The following BFAR variants were observed in gnomAD, a reference collection of about 807,000 sequenced individuals.
BFAR encodes RING finger protein 47.
BFAR carries 52 observed loss-of-function variants against 54.4 expected under a neutral mutation model. The observed-to-expected ratio is 0.96, with a 90% CI of 0.77 to 1.21. The LOEUF is 1.21. Among genes scored for constraint, BFAR ranks in the 50% most tolerant of loss-of-function variants. BFAR has a pLI of 0.00. For missense variants in BFAR, 571 were observed against 534.0 expected (o/e 1.07, Z -0.68); for synonymous variants, 215 against 204.3 (o/e 1.05, Z -0.45).
intron 5 of BFAR, among the ~76,000 whole-genome samples, chr16:14,660,286 T>G (rs1010685355): frequency 6.6e-6 from 1 of 152,140 alleles, no homozygotes; most frequent in Non-Finnish European, 1.5e-5. Flanking sequence ...TCAAATAAAT[T>G]GAATCTTTTT....
intron 5 of BFAR, among the ~76,000 whole-genome samples, chr16:14,656,597 C>G (rs1020456063): frequency 6.6e-6 from 1 of 152,060 alleles, no homozygotes; most frequent in Non-Finnish European, 1.5e-5. Flanking sequence ...TTGCCTGTTT[C>G]CTCCTGGGTA....
Position 14,655,092 on chromosome 16 carries a change from A to G in BFAR, c.665A>G (p.Glu222Gly), listed in dbSNP as rs1208628495. ...TTGCTTTTAACTTTGACAGAGGAAG[A>G]ATTTTCCAAGACGCCCTATACCATA... is the stretch of plus-strand genomic sequence containing the variant. Reference protein sequence around the residue: ...GRLLLTLTEEEFSKTPYTIEN... With the variant: ...GRLLLTLTEEGFSKTPYTIEN... The change falls in exon 5 of 8, where the codon GAA becomes GGA. Residue 222 changes from glutamate to glycine, a missense_variant. By Grantham distance (98) the Glu-to-Gly change is moderately conservative. Transcript: ENST00000261658. 2 of 1,609,648 alleles carry G rather than the reference A, an allele frequency of 1.2e-6. No homozygotes were observed. The highest frequency in any genetic ancestry group is 1.1e-5 in the South Asian group (1 of 90,208).
intron 4 of BFAR, among the ~76,000 whole-genome samples, chr16:14,651,354 C>A (rs1298820841): frequency 1.3e-5 from 2 of 152,198 alleles, no homozygotes; most frequent in Non-Finnish European, 2.9e-5. Flanking sequence ...GATAAAGAGA[C>A]ACTTAGGGCA....
At chr16:14,634,094 A>T (rs781473970) in intron 1 of BFAR, among the ~76,000 whole-genome samples, 5 of 152,218 alleles carry the variant, frequency 3.3e-5, no homozygotes, top group Non-Finnish European at 7.3e-5. Flanking sequence ...GACGCTGTTA[A>T]GCCCTCAACT....
Position 14,668,499 on chromosome 16 carries a change from T to A in BFAR, c.*672T>A, listed in dbSNP as rs1216090588. On this transcript the variant is annotated 3_prime_UTR_variant, in exon 8 of 8. Coordinates refer to ENST00000261658, the MANE Select transcript of BFAR (RefSeq NM_016561.3). ...GAAGGTCTGGATCCCTTTCTCTGAA[T>A]GGAGAGATTGAGAGGGATGTCGGGC... is the stretch of plus-strand genomic sequence containing the variant. The A allele has an allele frequency of 1.3e-5, 2 of 152,520 alleles. No individual in the cohort carries two copies. The highest frequency in any genetic ancestry group is 2.9e-5 in the Non-Finnish European group (2 of 68,314). 9.4% of individuals were successfully genotyped at this position (152,520 alleles called of 1,614,324 possible). A position where few individuals can be genotyped will look rare whatever the true frequency, so the allele number is the denominator to read the frequency against.
intron 1 of BFAR, among the ~76,000 whole-genome samples, chr16:14,634,281 T>G (rs1318105234): frequency 2.0e-5 from 3 of 152,232 alleles, no homozygotes; most frequent in Admixed American, 1.3e-4. Context: ...TTCTTGTCGC[T>G]GCTGTTTTCT....
At chr16:14,658,897 T>C (rs1960203192) in intron 5 of BFAR, among the ~76,000 whole-genome samples, 1 of 151,638 alleles carries the variant, frequency 6.6e-6, no homozygotes, top group Non-Finnish European at 1.5e-5. Flanking sequence ...CACCAATTAA[T>C]AGTAATTATG....
intron 4 of BFAR, among the ~76,000 whole-genome samples, chr16:14,652,633 C>T (rs1456985340): frequency 1.3e-5 from 2 of 152,122 alleles, no homozygotes; most frequent in Non-Finnish European, 2.9e-5. Flanking sequence ...TTGAAAGTGA[C>T]ATACTCTTGT....
rs1960303338 is a variant in BFAR, at chr16:14,661,990, C to G, written c.882C>G (p.Thr294=). 2 of 1,614,202 alleles carry G rather than the reference C, an allele frequency of 1.2e-6. No individual in the cohort carries two copies. Among genetic ancestry groups the G allele is most frequent in the East Asian group, 4.5e-5 (2 of 44,880 alleles). Residue 294 remains threonine (T), a synonymous_variant, in exon 6 of 8, where the codon ACC becomes ACG. Transcript: ENST00000261658. ...TGTACCTGTTTGACTACACCGACAC[C>G]TTCCTACCTTTCATCCACACCATCT... The part of the protein sequence containing the change: ...LYLYLFDYTD[T]FLPFIHTICP...
chr16:14,663,013 A>G (rs1386934578), intron 6 of BFAR, among the ~76,000 whole-genome samples: 1 of 152,170 alleles, frequency 6.6e-6, no homozygotes, highest in Non-Finnish European at 1.5e-5. Flanking sequence ...AGAGAATACG[A>G]CAGGGATTTT....
chr16:14,637,802 C>T (rs1381539578), intron 1 of BFAR, among the ~76,000 whole-genome samples: 4 of 151,294 alleles, frequency 2.6e-5, no homozygotes, highest in African/African-American at 9.7e-5. Context: ...GCACTCCAGC[C>T]TGGGTGACAG....
chr16:14,641,182 A>T (rs1271676579), intron 1 of BFAR, among the ~76,000 whole-genome samples: 5 of 152,202 alleles, frequency 3.3e-5, no homozygotes, highest in African/African-American at 9.7e-5. Context: ...TCCTAAACAC[A>T]AGTGTATCCA....
At chr16:14,657,734 G>A (rs959058032) in intron 5 of BFAR, among the ~76,000 whole-genome samples, 1 of 151,746 alleles carries the variant, frequency 6.6e-6, no homozygotes, top group African/African-American at 2.4e-5. Flanking sequence ...TAGAGGCGGA[G>A]TTTTGCCATA....
In BFAR at chr16:14,654,421, T is replaced by C. The variant is rs565567955; in HGVS notation, c.639-645T>C. Among the ~76,000 whole-genome samples the C allele has an allele frequency of 1.1e-3, 173 of 150,990 alleles. 3 individuals are homozygous for C. In the South Asian group the frequency reaches 0.019, roughly 16 times the overall value. Reference sequence around the variant, plus strand: ...GAGGTCAGAGCGTATAACTGAAAGATCAAAGGCTTAGGAACAAAACAGACC... The same window carrying C: ...GAGGTCAGAGCGTATAACTGAAAGACCAAAGGCTTAGGAACAAAACAGACC... On this transcript the variant is annotated intron_variant, in intron 4 of 7. Coordinates refer to ENST00000261658, the MANE Select transcript of BFAR (RefSeq NM_016561.3).
At chr16:14,634,855 AG>A (rs1959383939) in intron 1 of BFAR, among the ~76,000 whole-genome samples, 1 of 152,228 alleles carries the variant, frequency 6.6e-6, no homozygotes, top group Non-Finnish European at 1.5e-5. Flanking sequence ...CCAGGAGATG[AG>A]AAAACGTACA....
At chr16:14,652,280 A>ATTTTT in intron 4 of BFAR, among the ~76,000 whole-genome samples, 1 of 149,352 alleles carries the variant, frequency 6.7e-6, no homozygotes, top group African/African-American at 2.5e-5. Context: ...ATTAATATAT[A>ATTTTT]TTTTTATTTT....
At chr16:14,652,856 G>C (rs1258313136) in intron 4 of BFAR, among the ~76,000 whole-genome samples, 1 of 152,070 alleles carries the variant, frequency 6.6e-6, no homozygotes, top group African/African-American at 2.4e-5. Flanking sequence ...GATAAGAGCA[G>C]CCTCTCTCCC....
rs930545313 is a variant in BFAR at position 14,668,617 on chromosome 16, A to G, written c.*790A>G. ...TCCCAGCACTTTGGGTGGGTGAGGCAGGCGGATCACTTGAAGCCAGGACTT... is the reference window on the plus strand; with the variant it reads ...TCCCAGCACTTTGGGTGGGTGAGGCGGGCGGATCACTTGAAGCCAGGACTT... On this transcript the variant is annotated 3_prime_UTR_variant, in exon 8 of 8. Coordinates refer to ENST00000261658, the MANE Select transcript of BFAR (RefSeq NM_016561.3). 6.5e-6 allele frequency: 1 copy of G among 152,902 alleles called. No homozygotes were observed. Among genetic ancestry groups the G allele is most frequent in the African/African-American group, 2.4e-5 (1 of 41,434 alleles). The allele number at this position is 152,902 out of a possible 1,614,324, so 9.5% of individuals were successfully genotyped here.
chr16:14,667,768 A>G lies in BFAR; in HGVS notation c.1294A>G (p.Ile432Val). 3.1e-6 allele frequency: 5 copies of G among 1,614,094 alleles called. No homozygotes were observed. Among genetic ancestry groups the G allele is most frequent in the Non-Finnish European group, 4.2e-6 (5 of 1,180,020 alleles). The change falls in exon 8 of 8, where the codon ATT becomes GTT. Residue 432 changes from isoleucine (I) to valine (V), a missense_variant. Transcript: ENST00000261658. ...LFYWALYFNPIINIDLVVKEL... is the reference protein window; with the variant it reads ...LFYWALYFNPVINIDLVVKEL... ...TTACTGGGCCCTGTACTTTAACCCA[A>G]TTATTAACATTGATCTTGTGGTCAA...
Sources: allele counts gnomAD v4.1 joint callset (sites outside exome capture counted in the v4.1 genomes callset), GRCh38; gene constraint gnomAD v4.1.1; transcripts MANE v1.5; gene names NCBI Gene and HGNC (gene_info 2026-07-23, HGNC 2026-07-21).